The following CTNNA2 variants were observed in gnomAD, a reference collection of about 807,000 sequenced individuals.
The protein encoded by CTNNA2 is catenin alpha 2.
Under a neutral mutation model 101.0 loss-of-function variants are expected in CTNNA2, and 42 were observed. The observed-to-expected ratio is 0.42, with a 90% CI of 0.32 to 0.54. CTNNA2 has a LOEUF of 0.54. Among genes scored for constraint, CTNNA2 ranks in the 20% least tolerant of loss-of-function variants. CTNNA2 has a pLI of 0.14. For missense variants in CTNNA2, 871 were observed against 1,223.1 expected, an observed-to-expected ratio of 0.71 and a Z score of 4.29; for synonymous variants, 450 against 456.4, an observed-to-expected ratio of 0.99 and a Z score of 0.18.
chr2:80,064,070 G>A (rs1015747098), intron 7 of CTNNA2, among the ~76,000 whole-genome samples: 1 of 152,162 alleles, frequency 6.6e-6, no homozygotes, highest in South Asian at 2.1e-4. Flanking sequence ...AAGAGGAGAG[G>A]GAGAGGGAGA....
chr2:79,365,866 C>T (rs563921457), intron 3 of CTNNA2, among the ~76,000 whole-genome samples: 33 of 152,246 alleles, frequency 2.2e-4, no homozygotes, highest in African/African-American at 7.5e-4. Context: ...GTTTCTGTAA[C>T]GGTCACTGTA....
intron 7 of CTNNA2, among the ~76,000 whole-genome samples, chr2:79,950,935 C>T (rs1426297710): frequency 6.6e-6 from 1 of 152,094 alleles, no homozygotes; most frequent in Non-Finnish European, 1.5e-5. Flanking sequence ...AGTTTGAAAT[C>T]TCTAAAACAT....
intron 9 of CTNNA2, among the ~76,000 whole-genome samples, chr2:80,510,849 T>A (rs10205266): frequency 0.27 from 40,899 of 152,090 alleles, 5,573 homozygotes; most frequent in Middle Eastern, 0.33. Context: ...CCTCTACCCC[T>A]TGTTCCACAT....
intron 3 of CTNNA2, among the ~76,000 whole-genome samples, chr2:79,757,936 G>T (rs1672505362): frequency 6.6e-6 from 1 of 152,146 alleles, no homozygotes; most frequent in Admixed American, 6.5e-5. Context: ...AAACCTGGTG[G>T]ACGTTGTCTT....
At chr2:79,462,583 A>G (rs1048161060) in intron 4 of CTNNA2, among the ~76,000 whole-genome samples, 1 of 152,238 alleles carries the variant, frequency 6.6e-6, no homozygotes, top group Admixed American at 6.5e-5. Flanking sequence ...CCTATAAGCT[A>G]TGTCAGTATA....
intron 6 of CTNNA2, among the ~76,000 whole-genome samples, chr2:79,891,051 G>A (rs939903412): frequency 1.3e-5 from 2 of 150,618 alleles, no homozygotes; most frequent in African/African-American, 4.9e-5. Flanking sequence ...GAATTTTGAG[G>A]GCACACAGAC....
chr2:79,798,610 G>A (rs1006196170), intron 3 of CTNNA2, among the ~76,000 whole-genome samples: 2 of 138,164 alleles, frequency 1.4e-5, no homozygotes, highest in Non-Finnish European at 3.0e-5. Context: ...TGAAAGAATA[G>A]CAAGTTAATT....
intron 4 of CTNNA2, among the ~76,000 whole-genome samples, chr2:79,446,647 A>G (rs1466797856): frequency 6.6e-6 from 1 of 152,044 alleles, no homozygotes; most frequent in African/African-American, 2.4e-5. Flanking sequence ...CTTATGTAAT[A>G]TAATGTGCAA....
At chr2:79,742,484 G>A (rs1427095904) in intron 2 of CTNNA2, among the ~76,000 whole-genome samples, 3 of 152,210 alleles carry the variant, frequency 2.0e-5, no homozygotes, top group Admixed American at 6.5e-5. Context: ...GATGGTTGCT[G>A]TGTTTGCTTA....
At chr2:80,110,600 C>G (rs1573109781) in intron 7 of CTNNA2, among the ~76,000 whole-genome samples, 3 of 152,280 alleles carry the variant, frequency 2.0e-5, no homozygotes, top group African/African-American at 7.2e-5. Flanking sequence ...TAGAGTTTAG[C>G]TGTCCTTTCC....
chr2:80,533,407 G>A (rs1352691226), intron 9 of CTNNA2, among the ~76,000 whole-genome samples: 2 of 152,188 alleles, frequency 1.3e-5, no homozygotes, highest in African/African-American at 2.4e-5. Context: ...GAAGCGGGCT[G>A]TAGTCACAGA....
chr2:80,295,876 T>A (rs2149190601), intron 7 of CTNNA2, among the ~76,000 whole-genome samples: 2 of 152,322 alleles, frequency 1.3e-5, no homozygotes, highest in Admixed American at 1.3e-4. Context: ...TTCCTTATAA[T>A]TTCATCTGCC....
chr2:80,413,153 G>A (rs1679738640), intron 8 of CTNNA2, among the ~76,000 whole-genome samples: 1 of 152,172 alleles, frequency 6.6e-6, no homozygotes, highest in Non-Finnish European at 1.5e-5. Context: ...GGGCACATAT[G>A]TTGATCTGGC....
intron 4 of CTNNA2, among the ~76,000 whole-genome samples, chr2:79,376,760 T>G (rs867208751): frequency 3.3e-5 from 5 of 152,258 alleles, no homozygotes; most frequent in Middle Eastern, 3.4e-3. Flanking sequence ...CTTGCGATAG[T>G]TTGCTGAGAA....
intron 2 of CTNNA2, among the ~76,000 whole-genome samples, chr2:79,682,523 C>T (rs956794550): frequency 1.3e-5 from 2 of 151,528 alleles, no homozygotes; most frequent in Admixed American, 6.6e-5. Flanking sequence ...GAACAAAAGG[C>T]TCTGTAGCTT....
intron 3 of CTNNA2, among the ~76,000 whole-genome samples, chr2:79,800,755 A>G (rs1281020504): frequency 2.6e-5 from 4 of 152,168 alleles, no homozygotes; most frequent in Non-Finnish European, 5.9e-5. Context: ...ACGTTTTTTG[A>G]TAACATGCCT....
intron 1 of CTNNA2, among the ~76,000 whole-genome samples, chr2:79,607,687 T>A (rs1573464441): frequency 6.6e-6 from 1 of 152,106 alleles, no homozygotes; most frequent in Admixed American, 6.6e-5. Context: ...AAAGAACAAC[T>A]CTAAAAGGAA....
chr2:79,508,995 A>G, upstream of CTNNA2, among the ~76,000 whole-genome samples: 1 of 125,678 alleles, frequency 8.0e-6, no homozygotes, highest in South Asian at 2.5e-4. Context: ...ATATATATAT[A>G]TATATATATA....
intron 7 of CTNNA2, among the ~76,000 whole-genome samples, chr2:80,275,443 C>T (rs2149147215): frequency 6.6e-6 from 1 of 152,220 alleles, no homozygotes. Flanking sequence ...GAAAAATGAT[C>T]AGTCATTAAA....
Sources: allele counts gnomAD v4.1 joint callset (sites outside exome capture counted in the v4.1 genomes callset), GRCh38; gene constraint gnomAD v4.1.1; transcripts MANE v1.5; gene names NCBI Gene and HGNC (gene_info 2026-07-23, HGNC 2026-07-21).